Variants in AASDH observed in about 807,000 individuals in gnomAD.
AASDH encodes the protein aminoadipate-semialdehyde dehydrogenase.
In AASDH, 81 loss-of-function variants were observed where a neutral mutation model predicts 102.3. That is an observed-to-expected ratio of 0.79 (90% CI 0.66 to 0.95). The LOEUF is 0.95. Among genes scored for constraint, AASDH ranks in the 40% least tolerant of loss-of-function variants. The pLI is 0.00. For missense variants in AASDH, 1,203 were observed against 1,266.2 expected (o/e 0.95, Z 0.76); for synonymous variants, 398 against 454.0 (o/e 0.88, Z 1.57).
chr4:56,387,112 G>C (rs901939869), intron 1 of AASDH, among the ~76,000 whole-genome samples: 8 of 152,184 alleles, frequency 5.3e-5, no homozygotes, highest in East Asian at 1.9e-4. Flanking sequence ...ACCACTCTAG[G>C]GGGTAGCTGA....
At chr4:56,384,980 A>G (rs1366280069) in intron 1 of AASDH, among the ~76,000 whole-genome samples, 2 of 152,200 alleles carry the variant, frequency 1.3e-5, no homozygotes, top group Admixed American at 6.5e-5. Context: ...AGGGTGAGGC[A>G]GGCGAATCAC....
At chr4:56,342,509 C>G (rs528011842) in intron 14 of AASDH, among the ~76,000 whole-genome samples, 57 of 152,060 alleles carry the variant, frequency 3.7e-4, no homozygotes, top group African/African-American at 1.3e-3. Context: ...AGGCTAAAAA[C>G]TGGTAATATT....
chr4:56,338,514 T>A lies in AASDH; in HGVS notation c.3185A>T (p.Glu1062Val), dbSNP rs2109827127. Residue 1062 changes from glutamate to valine, a missense_variant, in exon 15 of 15, where the codon GAA (glutamate) becomes GTA (valine). Physicochemically the swap from Glu to Val is moderately radical, Grantham distance 121. Coordinates refer to ENST00000205214, the MANE Select transcript of AASDH (RefSeq NM_181806.4). ...AGAAGAGAAGACTTCTCCAGGAAGTTCATAAACACTTTGCAATTGTCCACT... is the reference window on the plus strand; with the variant it reads ...AGAAGAGAAGACTTCTCCAGGAAGTACATAAACACTTTGCAATTGTCCACT... ...SQSGQLQSVY[E>V]LPGEVFSSPV... 7 of 1,613,902 alleles carry A rather than the reference T, an allele frequency of 4.3e-6. No individual in the cohort carries two copies. In the East Asian group the frequency reaches 1.1e-4, roughly 26 times the overall value.
intron 5 of AASDH, among the ~76,000 whole-genome samples, chr4:56,360,502 T>C (rs1464434983): frequency 1.3e-5 from 2 of 152,228 alleles, no homozygotes; most frequent in African/African-American, 4.8e-5. Context: ...AGCAGACCCA[T>C]ACCAGAATGC....
intron 5 of AASDH, among the ~76,000 whole-genome samples, chr4:56,360,619 T>G (rs1013673473): frequency 1.8e-4 from 27 of 151,174 alleles, no homozygotes; most frequent in Non-Finnish European, 2.7e-4. Flanking sequence ...GAAATGATTG[T>G]TTTTTTTTCC....
At chr4:56,348,255 G>C (rs1200258186) in intron 11 of AASDH, among the ~76,000 whole-genome samples, 1 of 150,798 alleles carries the variant, frequency 6.6e-6, no homozygotes, top group Non-Finnish European at 1.5e-5. Context: ...ACTGAGTTAT[G>C]CACTTTTTTT....
At chr4:56,364,793 G>A (rs1246570718) in intron 5 of AASDH, among the ~76,000 whole-genome samples, 5 of 152,110 alleles carry the variant, frequency 3.3e-5, no homozygotes, top group African/African-American at 4.8e-5. Flanking sequence ...ATCAAGCCTA[G>A]GAAGAAACTG....
At chr4:56,360,929 T>C (rs758869680) in intron 5 of AASDH, among the ~76,000 whole-genome samples, 24 of 152,182 alleles carry the variant, frequency 1.6e-4, no homozygotes, top group Non-Finnish European at 3.4e-4. Context: ...TCCTAAACCA[T>C]GCTCTTACCT....
In AASDH at chr4:56,338,471, T is replaced by C; in HGVS notation, c.3228A>G (p.Ser1076=). The change falls in exon 15 of 15, where the codon TCA becomes TCG. Residue 1076 remains serine, a synonymous_variant. Coordinates refer to ENST00000205214, the MANE Select transcript of AASDH (RefSeq NM_181806.4). ...TATCTCTACACCCAATAATGAGCAT[T>C]GATTCCAGGACCACAGGAGAAGAGA... is the stretch of plus-strand genomic sequence containing the variant. The part of the protein sequence containing the change: ...EVFSSPVVLE[S]MLIIGCRDNY... 6.2e-7 allele frequency: 1 copy of C among 1,614,104 alleles called. No homozygotes were observed. Among genetic ancestry groups the C allele is most frequent in the Non-Finnish European group, 8.5e-7 (1 of 1,180,012 alleles).
At position 56,338,419 on chromosome 4, in the gene AASDH, C is replaced by T; in HGVS notation, c.3280G>A (p.Gly1094Ser). Residue 1094 changes from glycine to serine, a missense_variant, in exon 15 of 15, where the codon GGT (glycine) becomes AGT (serine). Physicochemically the swap from Gly to Ser is moderately conservative, Grantham distance 56 (BLOSUM62 0). Coordinates refer to ENST00000205214, the MANE Select transcript of AASDH (RefSeq NM_181806.4). ...DNYVYCLDLL[G>S]GNQK ...GTATTTGATTATTTTTGATTGCCAC[C>T]CAATAAATCCAGACAATAAACATAA... The T allele has an allele frequency of 6.2e-7, 1 of 1,612,890 alleles. No individual in the cohort carries two copies. Among genetic ancestry groups the T allele is most frequent in the Non-Finnish European group, 8.5e-7 (1 of 1,179,590 alleles).
chr4:56,369,877 T>A (rs1560602987), intron 5 of AASDH, among the ~76,000 whole-genome samples: 1 of 148,788 alleles, frequency 6.7e-6, no homozygotes, highest in Non-Finnish European at 1.5e-5. Flanking sequence ...GAGACAGACA[T>A]TGCAGTGAGC....
At chr4:56,345,087 A>C in intron 12 of AASDH, 40 bp downstream of exon 12, 1 of 1,605,584 alleles carries the variant, frequency 6.2e-7, no homozygotes, top group Non-Finnish European at 8.5e-7. Flanking sequence ...CATTACAGGC[A>C]TGCGCCACCA....
chr4:56,365,055 C>T (rs1750813688), intron 5 of AASDH, among the ~76,000 whole-genome samples: 1 of 152,062 alleles, frequency 6.6e-6, no homozygotes, highest in Non-Finnish European at 1.5e-5. Context: ...CAAAAAAAGG[C>T]AGGGGTTGCA....
chr4:56,373,383 TCCAC>T (rs1187580238), intron 4 of AASDH, among the ~76,000 whole-genome samples: 2 of 152,108 alleles, frequency 1.3e-5, no homozygotes, highest in African/African-American at 4.8e-5. Context: ...CCTCAAATGA[TCCAC>T]CCACCTCAGC....
chr4:56,356,542 G>C lies in AASDH; in HGVS notation c.862-1119C>G, dbSNP rs780808216. 4 of 855,418 alleles carry C rather than the reference G, an allele frequency of 4.7e-6. No homozygotes were observed. The South Asian group carries it at 5.6e-5, about 12-fold the overall frequency. 53.0% of individuals were successfully genotyped at this position (855,418 alleles called of 1,614,324 possible). A position where few individuals can be genotyped will look rare whatever the true frequency, so the allele number is the denominator to read the frequency against. The stretch of plus-strand genomic sequence containing the variant: ...CCCAGTAAGAGACCACCTGTCCTTC[G>C]AGCAGGAGTTAACACCATCAACACC... On this transcript the variant is annotated intron_variant, in intron 5 of 14. Transcript: ENST00000205214.
intron 5 of AASDH, among the ~76,000 whole-genome samples, chr4:56,358,500 T>G (rs1431298022): frequency 6.6e-6 from 1 of 150,492 alleles, no homozygotes; most frequent in Non-Finnish European, 1.5e-5. Flanking sequence ...GTGCCCTTCT[T>G]CATATTGGGA....
chr4:56,343,525 A>C, intron 13 of AASDH, 37 bp downstream of exon 13: 2 of 1,508,168 alleles, frequency 1.3e-6, no homozygotes, highest in South Asian at 2.7e-5. Context: ...AATTTAAAGA[A>C]AAGTAATAAA....
Position 56,371,564 on chromosome 4 carries a change from A to C in AASDH, c.748T>G (p.Phe250Val). 6.2e-7 allele frequency: 1 copy of C among 1,613,600 alleles called. No homozygotes were observed. Among genetic ancestry groups the C allele is most frequent in the East Asian group, 2.2e-5 (1 of 44,856 alleles). ...LTFDPSVVEI[F>V]LALSSGASLL... ...GAGGCACCACTTGATAGAGCAAGAA[A>C]TATTTCCACAACAGAAGGATCGAAG... The change falls in exon 5 of 15, where the codon TTT (phenylalanine) becomes GTT (valine). Residue 250 changes from phenylalanine to valine, a missense_variant. Transcript: ENST00000205214.
At chr4:56,347,444 G>A (rs927221913) in intron 11 of AASDH, among the ~76,000 whole-genome samples, 3 of 152,134 alleles carry the variant, frequency 2.0e-5, no homozygotes, top group South Asian at 4.1e-4. Flanking sequence ...TTCCATGAGC[G>A]TATAAAATGA....
Sources: gnomAD v4.1 joint callset for allele counts (sites outside exome capture counted in the v4.1 genomes callset) on GRCh38, gnomAD v4.1.1 for gene constraint, MANE v1.5 for transcripts, NCBI Gene and HGNC (gene_info 2026-07-23, HGNC 2026-07-21) for gene names.